TTN: variants seen among roughly 807,000 people sequenced by gnomAD.
The protein encoded by TTN is connectin.
A neutral mutation model predicts 3,223.0 loss-of-function variants in TTN; 1,525 were observed. That is an observed-to-expected ratio of 0.47 (90% CI 0.45 to 0.49). TTN has a LOEUF of 0.49. Among genes scored for constraint, TTN ranks in the 20% least tolerant of loss-of-function variants. The probability of loss-of-function intolerance (pLI) is 0.00; values close to 1 mark genes in which losing one functional copy is unlikely to be tolerated. For missense variants in TTN, 40,786 were observed against 43,424.0 expected (o/e 0.94, Z 5.40); for synonymous variants, 14,094 against 15,161.0 (o/e 0.93, Z 5.17).
rs748322000 is a variant in TTN, at chr2:178,804,590, A to C, written c.53T>G (p.Leu18Arg). The change falls in exon 2 of 363, where the codon CTG (leucine) becomes CGG (arginine). Residue 18 changes from leucine to arginine, a missense_variant. Leu to Arg is a moderately radical substitution (Grantham distance 102). Coordinates refer to ENST00000589042, the MANE Select transcript of TTN (RefSeq NM_001267550.2). ...FTQPLQSVVV[L>R]EGSTATFEAH... is the part of the protein sequence containing the mutation. ...CTCAAAGGTTGCGGTACTACCCTCC[A>C]GTACCACAACGCTTTGTAACGGCTG... is the stretch of plus-strand genomic sequence containing the variant. The C allele has an allele frequency of 3.7e-6, 6 of 1,613,932 alleles. No individual in the cohort carries two copies. The African/African-American group carries it at 8.0e-5, about 22-fold the overall frequency.
Position 178,724,555 on chromosome 2 carries a change from T to C in TTN, c.20837-17A>G. 6.4e-7 allele frequency: 1 copy of C among 1,559,966 alleles called. No individual in the cohort carries two copies. Among genetic ancestry groups the C allele is most frequent in the East Asian group, 2.3e-5 (1 of 44,134 alleles). ...CTGCGGGCTCTGAAATAAAACGTGATATCCATCTGTCAAAGTCTGGGATCT... is the reference window on the plus strand; with the variant it reads ...CTGCGGGCTCTGAAATAAAACGTGACATCCATCTGTCAAAGTCTGGGATCT... On this transcript the variant is annotated splice_polypyrimidine_tract_variant and intron_variant, in intron 71 of 362. Transcript: ENST00000589042.
rs773004022 is a variant in TTN, at chr2:178,630,941, G to C, written c.44017C>G (p.Arg14673Gly). The C allele has an allele frequency of 7.4e-6, 12 of 1,611,274 alleles. No homozygotes were observed. Among genetic ancestry groups the C allele is most frequent in the Non-Finnish European group, 1.0e-5 (12 of 1,179,076 alleles). The change falls in exon 238 of 363, where the codon CGG becomes GGG. Residue 14673 changes from arginine to glycine, a missense_variant and splice_region_variant. Arg to Gly is a moderately radical substitution (Grantham distance 125). Transcript: ENST00000589042. Reference sequence around the variant, plus strand: ...AGGGGTCGCACCAGTTTAATTTCCCGATCTAGAAAAGTGAAGGGCCAGCAT... The same window carrying C: ...AGGGGTCGCACCAGTTTAATTTCCCCATCTAGAAAAGTGAAGGGCCAGCAT... ...KTSGKLDIEDREIKLVRPLHS... is the reference protein window; with the variant it reads ...KTSGKLDIEDGEIKLVRPLHS...
intron 20 of TTN, 147 bp from the exon 21 acceptor site, chr2:178,781,410 G>T: frequency 2.2e-6 from 2 of 906,458 alleles, no homozygotes; most frequent in Non-Finnish European, 3.4e-6. Flanking sequence ...TTATAAGATT[G>T]CTGAAAATTG....
In TTN at chr2:178,640,528, A is replaced by G. The variant is rs773604172; in HGVS notation, c.40723+13T>C. 1 of 1,598,448 alleles carries G rather than the reference A, an allele frequency of 6.3e-7. No individual in the cohort carries two copies. The highest frequency in any genetic ancestry group is 1.7e-5 in the Admixed American group (1 of 57,536). ...ATTTTTAGAGACAACTAAGAATGACAGTAGATTTGTACCTTTTGTTGGTTC... is the reference window on the plus strand; with the variant it reads ...ATTTTTAGAGACAACTAAGAATGACGGTAGATTTGTACCTTTTGTTGGTTC... On this transcript the variant is annotated intron_variant, in intron 221 of 362. Transcript: ENST00000589042.
At position 178,591,716 on chromosome 2, in the gene TTN, A is replaced by G; in HGVS notation, c.60103T>C (p.Cys20035Arg). ...IKFKTVTNLE[C>R]VVTGLQQGKT... The stretch of plus-strand genomic sequence containing the variant: ...CCTTGTTGTAGTCCAGTAACCACAC[A>G]CTCTAAGTTTGTCACAGTCTTAAAT... Residue 20035 changes from cysteine to arginine, a missense_variant, in exon 303 of 363, where the codon TGT becomes CGT. Transcript: ENST00000589042. 2 of 1,613,136 alleles carry G rather than the reference A, an allele frequency of 1.2e-6. No homozygotes were observed. Among genetic ancestry groups the G allele is most frequent in the South Asian group, 2.2e-5 (2 of 91,046 alleles).
At chr2:178,799,975 T>C in intron 4 of TTN, 65 bp from the exon 5 acceptor site, 1 of 1,545,762 alleles carries the variant, frequency 6.5e-7, no homozygotes, top group Non-Finnish European at 8.9e-7. Context: ...AGAGATTCTG[T>C]TAATTCTGAC....
rs1699239943 is a variant in TTN at position 178,551,060 on chromosome 2, G to A, written c.91471C>T (p.Arg30491Cys). The A allele has an allele frequency of 3.1e-6, 5 of 1,613,142 alleles. No individual in the cohort carries two copies. The highest frequency in any genetic ancestry group is 1.1e-5 in the South Asian group (1 of 91,028). Reference protein sequence around the residue: ...YTVTGLSPGDRYEFRIIARNA... With the variant: ...YTVTGLSPGDCYEFRIIARNA... ...CTTGCAATTATTCTGAACTCATAGCGATCCCCAGGACTGAGTCCTGTAACT... is the reference window on the plus strand; with the variant it reads ...CTTGCAATTATTCTGAACTCATAGCAATCCCCAGGACTGAGTCCTGTAACT... Residue 30491 changes from arginine to cysteine, a missense_variant, in exon 336 of 363, where the codon CGC (arginine) becomes TGC (cysteine). Coordinates refer to ENST00000589042, the MANE Select transcript of TTN (RefSeq NM_001267550.2).
chr2:178,562,968 T>C lies in TTN; in HGVS notation c.83164A>G (p.Ile27722Val). The C allele has an allele frequency of 1.2e-6, 2 of 1,613,728 alleles. No homozygotes were observed. Among genetic ancestry groups the C allele is most frequent in the Non-Finnish European group, 1.7e-6 (2 of 1,179,746 alleles). ...ATTGTAAATGAGCTGGTCACCTCTATCTGAGCCCTGTCAGTGAGAATGCCT... is the reference window on the plus strand; with the variant it reads ...ATTGTAAATGAGCTGGTCACCTCTACCTGAGCCCTGTCAGTGAGAATGCCT... ...AEGILTDRAQIEVTSSFTMLV... is the reference protein window; with the variant it reads ...AEGILTDRAQVEVTSSFTMLV... The change falls in exon 326 of 363, where the codon ATA (isoleucine) becomes GTA (valine). Residue 27722 changes from isoleucine to valine, a missense_variant. Ile to Val is a conservative substitution (Grantham distance 29, BLOSUM62 3). Transcript: ENST00000589042.
rs769162697 is a variant in TTN, at chr2:178,739,795, T to C, written c.13438A>G (p.Ile4480Val). 1.4e-5 allele frequency: 22 copies of C among 1,613,876 alleles called. No individual in the cohort carries two copies. The highest frequency in any genetic ancestry group is 1.7e-5 in the Non-Finnish European group (20 of 1,179,814). Residue 4480 changes from isoleucine to valine, a missense_variant, in exon 48 of 363, where the codon ATT becomes GTT. Transcript: ENST00000589042. ...AGGATGTCTATTTCCTCATATATAA[T>C]AGCACACAAAGCATCCCTAAGTTCC... Reference protein sequence around the residue: ...KMELRDALCAIIYEEIDILTA... With the variant: ...KMELRDALCAVIYEEIDILTA...
chr2:178,769,595 T>C (rs1354033444), intron 37 of TTN, 84 bp downstream of exon 37: 4 of 1,227,706 alleles, frequency 3.3e-6, no homozygotes, highest in Admixed American at 5.1e-5. Context: ...CAGCAAAGTG[T>C]AGGATATAGA....
chr2:178,732,583 C>T lies in TTN; in HGVS notation c.16478G>A (p.Gly5493Asp), dbSNP rs1418252439. The stretch of plus-strand genomic sequence containing the variant: ...TTCTTTGGTAATATAGCAGCTTCCA[C>T]CAGAAACCAGCTCTTTGTTGCCCTT... ...WFKGNKELVS[G>D]GSCYITKEAL... The change falls in exon 56 of 363, where the codon GGT (glycine) becomes GAT (aspartate). Residue 5493 changes from glycine (G) to aspartate (D), a missense_variant. Physicochemically the swap from Gly to Asp is moderately conservative, Grantham distance 94. Transcript: ENST00000589042. 2.5e-6 allele frequency: 4 copies of T among 1,613,550 alleles called. No homozygotes were observed. Among genetic ancestry groups the T allele is most frequent in the African/African-American group, 2.7e-5 (2 of 74,896 alleles).
intron 263 of TTN, 120 bp downstream of exon 263, chr2:178,613,631 G>A: frequency 2.0e-6 from 2 of 1,022,982 alleles, no homozygotes; most frequent in South Asian, 2.2e-5. Context: ...GAAAATATGA[G>A]TAAAAGTAGT....
In TTN at chr2:178,784,257, G is replaced by T. The variant is rs1399678257; in HGVS notation, c.2588C>A (p.Thr863Asn). Residue 863 changes from threonine to asparagine, a missense_variant, in exon 16 of 363, where the codon ACT becomes AAT. Thr to Asn is a moderately conservative substitution (Grantham distance 65). Transcript: ENST00000589042. Reference protein sequence around the residue: ...QKITKSVKAPTVKPSETRVRA... With the variant: ...QKITKSVKAPNVKPSETRVRA... ...TACTCTAGTCTCACTGGGCTTCACA[G>T]TAGGAGCCTTCACCGATTTGGTGAT... The T allele has an allele frequency of 6.2e-7, 1 of 1,614,156 alleles. No individual in the cohort carries two copies.
In TTN at chr2:178,651,745, G is replaced by A. The variant is rs746067865; in HGVS notation, c.39384C>T (p.Thr13128=). ...EPEPAAPPQV[T]VPPKKPVPEK... ...CTGGGACAGGTTTCTTAGGTGGTACGGTCACTAAAGAATTAGAAGGTATGT... is the reference window on the plus strand; with the variant it reads ...CTGGGACAGGTTTCTTAGGTGGTACAGTCACTAAAGAATTAGAAGGTATGT... The change falls in exon 206 of 363, where the codon ACC becomes ACT. Residue 13128 remains threonine (T), a synonymous_variant. Transcript: ENST00000589042. 13 of 1,612,580 alleles carry A rather than the reference G, an allele frequency of 8.1e-6. No individual in the cohort carries two copies. The South Asian group carries it at 9.9e-5, about 12-fold the overall frequency.
rs779828473 is a variant in TTN, at chr2:178,608,224, T to C, written c.52659A>G (p.Gly17553=). Residue 17553 remains glycine, a synonymous_variant, in exon 275 of 363, where the codon GGA becomes GGG. Transcript: ENST00000589042. ...TGGGATCTGAAGGTGGACTGAACTT[T>C]CCAGGTCCAGCTGCATTTTCAGCAC... ...RVCAENAAGP[G]KFSPPSDPKT... is the part of the protein sequence containing the mutation. 2.2e-5 allele frequency: 35 copies of C among 1,605,954 alleles called. No homozygotes were observed. The highest frequency in any genetic ancestry group is 2.4e-5 in the Non-Finnish European group (28 of 1,175,512).
chr2:178,671,894 C>T, intron 155 of TTN, 77 bp downstream of exon 155: 1 of 1,504,688 alleles, frequency 6.6e-7, no homozygotes, highest in Non-Finnish European at 8.9e-7. Flanking sequence ...ATCTTCCAAA[C>T]TGAACACAAA....
chr2:178,558,740 A>G, intron 326 of TTN, 103 bp from the exon 327 acceptor site: 1 of 1,249,732 alleles, frequency 8.0e-7, no homozygotes, highest in Non-Finnish European at 1.1e-6. Flanking sequence ...TGAAGGCCAT[A>G]TTTTTATGTT....
In TTN at chr2:178,551,028, A is replaced by C; in HGVS notation, c.91503T>G (p.Ala30501=). The C allele has an allele frequency of 6.2e-7, 1 of 1,613,488 alleles. No homozygotes were observed. Among genetic ancestry groups the C allele is most frequent in the Non-Finnish European group, 8.5e-7 (1 of 1,179,656 alleles). ...GTGAGGGCGGGCTTATAGTTCCAACAGCATTTCTTGCAATTATTCTGAACT... is the reference window on the plus strand; with the variant it reads ...GTGAGGGCGGGCTTATAGTTCCAACCGCATTTCTTGCAATTATTCTGAACT... ...RYEFRIIARN[A]VGTISPPSQS... The change falls in exon 336 of 363, where the codon GCT becomes GCG. Residue 30501 remains alanine, a synonymous_variant. Transcript: ENST00000589042.
rs773773028 is a variant in TTN, at chr2:178,542,769, G to C, written c.97085C>G (p.Ala32362Gly). Residue 32362 changes from alanine to glycine, a missense_variant, in exon 348 of 363, where the codon GCT becomes GGT. Transcript: ENST00000589042. Reference sequence around the variant, plus strand: ...AGTGGTTTCACGGATGGTTAATTTAGCTACTTTAGTGTGAGTTTCAACTGT... The same window carrying C: ...AGTGGTTTCACGGATGGTTAATTTACCTACTTTAGTGTGAGTTTCAACTGT... The part of the protein sequence containing the change: ...RVTVETHTKV[A>G]KLTIRETTIR... 3 of 1,613,732 alleles carry C rather than the reference G, an allele frequency of 1.9e-6. 1 individual carries two copies. Among genetic ancestry groups the C allele is most frequent in the South Asian group, 2.2e-5 (2 of 91,076 alleles).
Sources: gnomAD v4.1 joint callset for allele counts on GRCh38, gnomAD v4.1.1 for gene constraint, MANE v1.5 for transcripts, NCBI Gene and HGNC (gene_info 2026-07-23, HGNC 2026-07-21) for gene names.